Variants in MIA2 observed in about 807,000 individuals in gnomAD.
MIA2 encodes melanoma inhibitory activity protein 2.
Under a neutral mutation model 167.8 loss-of-function variants are expected in MIA2, and 127 were observed. That is an observed-to-expected ratio of 0.76 (90% CI 0.66 to 0.88). The LOEUF is 0.88. Among genes scored for constraint, MIA2 ranks in the 40% least tolerant of loss-of-function variants. The probability of loss-of-function intolerance (pLI) is 0.00; values close to 1 mark genes in which losing one functional copy is unlikely to be tolerated. For synonymous variants in MIA2, 552 were observed against 541.9 expected (o/e 1.02, Z -0.26); for missense variants, 1,690 against 1,624.7 (o/e 1.04, Z -0.69).
chr14:39,264,337 A>AGTCT, intron 6 of MIA2, among the ~76,000 whole-genome samples: 2 of 152,120 alleles, frequency 1.3e-5, no homozygotes, highest in African/African-American at 4.8e-5. Flanking sequence ...TTCTTTATCC[A>AGTCT]ATGCACCGTT....
chr14:39,348,647 C>G, intron 27 of MIA2, 96 bp from the exon 28 acceptor site: 1 of 1,507,320 alleles, frequency 6.6e-7, no homozygotes, highest in Non-Finnish European at 9.2e-7. Flanking sequence ...TCATGGAATG[C>G]TTTCTGTCTA....
intron 17 of MIA2, among the ~76,000 whole-genome samples, chr14:39,306,047 C>T (rs895655276): frequency 4.0e-5 from 6 of 151,416 alleles, no homozygotes; most frequent in East Asian, 1.9e-4. Context: ...TAATACCCAA[C>T]GTTAATTTCT....
At chr14:39,293,945 G>A (rs1814146281) in intron 11 of MIA2, 55 bp from the exon 12 acceptor site, 2 of 1,345,346 alleles carry the variant, frequency 1.5e-6, no homozygotes, top group Admixed American at 3.6e-5. Context: ...AATAAACATG[G>A]CATTTTGGAA....
intron 24 of MIA2, among the ~76,000 whole-genome samples, chr14:39,321,400 A>T (rs930539848): frequency 1.3e-5 from 2 of 150,460 alleles, no homozygotes; most frequent in Non-Finnish European, 3.0e-5. Context: ...TGCAGGCTCC[A>T]CCTCCCAGGT....
chr14:39,347,793 T>A, intron 27 of MIA2, 22 bp downstream of exon 27: 1 of 1,583,058 alleles, frequency 6.3e-7, no homozygotes, highest in South Asian at 1.1e-5. Flanking sequence ...AAGAGTGGAA[T>A]TGTATGCATG....
chr14:39,309,711 T>C (rs2152922366), intron 18 of MIA2, among the ~76,000 whole-genome samples: 1 of 152,330 alleles, frequency 6.6e-6, no homozygotes, highest in South Asian at 2.1e-4. Flanking sequence ...ATACAAGCTC[T>C]GAGAGAAAAT....
At chr14:39,326,218 T>C (rs2067522304) in intron 24 of MIA2, among the ~76,000 whole-genome samples, 2 of 152,260 alleles carry the variant, frequency 1.3e-5, no homozygotes, top group Non-Finnish European at 2.9e-5. Flanking sequence ...AATTCTTCTT[T>C]TGAATGTGAA....
chr14:39,240,526 T>G (rs2053991296), intron 2 of MIA2, 35 bp from the exon 3 acceptor site: 1 of 1,513,670 alleles, frequency 6.6e-7, no homozygotes, highest in Admixed American at 1.7e-5. Context: ...CTTTGATCAT[T>G]CTTCCTCGAT....
At chr14:39,294,184 A>T in intron 12 of MIA2, 113 bp downstream of exon 12, 3 of 673,998 alleles carry the variant, frequency 4.5e-6, no homozygotes, top group Non-Finnish European at 7.2e-6. Flanking sequence ...GGGATCCCAG[A>T]TATGTATTTT....
chr14:39,266,781 G>A (rs942459759), intron 6 of MIA2: 4 of 982,320 alleles, frequency 4.1e-6, no homozygotes, highest in Admixed American at 1.2e-4. Context: ...AGGCTCCAGC[G>A]AGGCTGCGGA....
intron 28 of MIA2, 89 bp downstream of exon 28, chr14:39,349,066 A>G: frequency 1.4e-6 from 2 of 1,425,872 alleles, no homozygotes; most frequent in Non-Finnish European, 1.9e-6. Context: ...GTAGTAACAC[A>G]GTGGAGGAAA....
intron 6 of MIA2, among the ~76,000 whole-genome samples, chr14:39,259,014 T>C (rs2054947497): frequency 6.6e-6 from 1 of 152,244 alleles, no homozygotes; most frequent in Non-Finnish European, 1.5e-5. Flanking sequence ...AGGTGTCTGT[T>C]GACCCCTGTT....
At chr14:39,277,714 A>ATGTGTGTATATATATATATATATATATG (rs2058289821) in intron 7 of MIA2, among the ~76,000 whole-genome samples, 4 of 3,630 alleles carry the variant, frequency 1.1e-3, no homozygotes. Flanking sequence ...ATATATATAT[A>ATGTGTGTATATATATATATATATATATG]TGTGTGTATA....
At chr14:39,298,693 G>GC (rs1282922998) in intron 13 of MIA2, among the ~76,000 whole-genome samples, 1 of 150,948 alleles carries the variant, frequency 6.6e-6, no homozygotes, top group African/African-American at 2.4e-5. Context: ...TGAATTGCCT[G>GC]CTCAGTCTTC....
At chr14:39,300,166 A>G (rs2062156310) in intron 14 of MIA2, among the ~76,000 whole-genome samples, 180 bp downstream of exon 14, 1 of 152,192 alleles carries the variant, frequency 6.6e-6, no homozygotes, top group South Asian at 2.1e-4. Context: ...ACACATACAC[A>G]CACACATACT....
chr14:39,281,404 C>T (rs2058918536), intron 9 of MIA2, among the ~76,000 whole-genome samples: 2 of 152,144 alleles, frequency 1.3e-5, no homozygotes, highest in South Asian at 4.1e-4. Flanking sequence ...TCAGTCTAGA[C>T]ATAATCTTCT....
chr14:39,333,836 C>T (rs182418184), intron 25 of MIA2, among the ~76,000 whole-genome samples: 1 of 152,254 alleles, frequency 6.6e-6, no homozygotes, highest in Admixed American at 6.5e-5. Context: ...CCGTACTTTT[C>T]AATCATTTGT....
chr14:39,309,536 G>A (rs939299302), intron 18 of MIA2, among the ~76,000 whole-genome samples: 24 of 152,134 alleles, frequency 1.6e-4, no homozygotes, highest in African/African-American at 4.8e-4. Context: ...GAATGGCTCA[G>A]TTCTTCATTT....
chr14:39,361,171 A>G (rs1399628960), intron 23 of MIA2, among the ~76,000 whole-genome samples: 5 of 151,996 alleles, frequency 3.3e-5, no homozygotes, highest in African/African-American at 4.8e-5. Context: ...TTGTTTTTCT[A>G]TTTCTGTGAA....
Sources: allele counts gnomAD v4.1 joint callset (sites outside exome capture counted in the v4.1 genomes callset), GRCh38; gene constraint gnomAD v4.1.1; transcripts MANE v1.5; gene names NCBI Gene and HGNC (gene_info 2026-07-23, HGNC 2026-07-21).